Variants in CACUL1 observed in about 807,000 individuals in gnomAD.
CACUL1 encodes CDK2-associated and cullin domain-containing protein 1.
CACUL1 carries 13 observed loss-of-function variants against 45.2 expected under a neutral mutation model. That is an observed-to-expected ratio of 0.29 (90% CI 0.19 to 0.46). The LOEUF is 0.46. Ranked by LOEUF, CACUL1 falls within the 20% of genes least tolerant of loss-of-function variation. CACUL1 has a pLI of 1.00. For missense variants in CACUL1, 421 were observed against 471.4 expected (o/e 0.89, Z 0.99); for synonymous variants, 197 against 174.2 (o/e 1.13, Z -1.03).
At chr10:118,721,298 A>G (rs1481497681) in intron 3 of CACUL1, among the ~76,000 whole-genome samples, 3 of 152,240 alleles carry the variant, frequency 2.0e-5, no homozygotes, top group Admixed American at 1.3e-4. Context: ...ATCTGGCAGT[A>G]AAGATTTTAT....
At chr10:118,708,836 C>T (rs1845457765) in intron 3 of CACUL1, among the ~76,000 whole-genome samples, 1 of 152,160 alleles carries the variant, frequency 6.6e-6, no homozygotes, top group Non-Finnish European at 1.5e-5. Flanking sequence ...GAATAGGAAG[C>T]ACCTTTGTCT....
intron 3 of CACUL1, among the ~76,000 whole-genome samples, chr10:118,726,568 C>A (rs890210496): frequency 1.3e-5 from 2 of 152,048 alleles, no homozygotes; most frequent in Admixed American, 1.3e-4. Flanking sequence ...ATAGTCTGTT[C>A]GGTTTTGAGA....
chr10:118,724,449 A>G (rs1479383536), intron 3 of CACUL1, among the ~76,000 whole-genome samples: 1 of 152,122 alleles, frequency 6.6e-6, no homozygotes, highest in Non-Finnish European at 1.5e-5. Flanking sequence ...CCACTACCAG[A>G]CCCAGTAGAG....
At chr10:118,691,866 CAAAAAAAAAA>C (rs754241223) in intron 6 of CACUL1, among the ~76,000 whole-genome samples, 33,983 of 96,502 alleles carry the variant, frequency 0.35, 5,191 homozygotes, top group South Asian at 0.49. Context: ...GACTCCGTCT[CAAAAAAAAAA>C]AAAAAAAAAA....
chr10:118,750,191 T>C (rs936520086), intron 1 of CACUL1, among the ~76,000 whole-genome samples: 2 of 152,064 alleles, frequency 1.3e-5, no homozygotes, highest in African/African-American at 4.8e-5. Context: ...CCGGGCATGG[T>C]GGTGCACACC....
At chr10:118,735,587 G>C (rs542444999) in intron 1 of CACUL1, among the ~76,000 whole-genome samples, 22 of 152,332 alleles carry the variant, frequency 1.4e-4, no homozygotes, top group Non-Finnish European at 2.9e-4. Context: ...GCCCTGGACA[G>C]CCAGGGTTCA....
At chr10:118,725,171 T>C (rs1327107032) in intron 3 of CACUL1, among the ~76,000 whole-genome samples, 2 of 152,210 alleles carry the variant, frequency 1.3e-5, no homozygotes, top group Non-Finnish European at 2.9e-5. Context: ...TCGTTATTAC[T>C]TTTAAAGAAA....
chr10:118,733,440 C>G (rs1258548431), intron 1 of CACUL1, among the ~76,000 whole-genome samples: 1 of 152,142 alleles, frequency 6.6e-6, no homozygotes, highest in Non-Finnish European at 1.5e-5. Context: ...TATATGCTAG[C>G]TAACATAACT....
chr10:118,702,982 T>A (rs530294223), intron 4 of CACUL1, among the ~76,000 whole-genome samples: 34 of 152,186 alleles, frequency 2.2e-4, no homozygotes, highest in Admixed American at 1.0e-3. Context: ...ATTTAAAAAA[T>A]TTTTTTTGGA....
At position 118,754,424 on chromosome 10, in the gene CACUL1, G is replaced by C; in HGVS notation, c.339C>G (p.Ile113Met). The C allele has an allele frequency of 6.3e-7, 1 of 1,594,912 alleles. No individual in the cohort carries two copies. Among genetic ancestry groups the C allele is most frequent in the Non-Finnish European group, 8.5e-7 (1 of 1,171,814 alleles). ...ACTTGGAGGTGGAGGTGTTGATGTT[G>C]ATGGTGGAGCTGGCGGTGGGGGCGG... The part of the protein sequence containing the change: ...AAPAPTASST[I>M]NINTSTSKFL... Residue 113 changes from isoleucine to methionine, a missense_variant, in exon 1 of 9, where the codon ATC becomes ATG. Physicochemically the swap from Ile to Met is conservative, Grantham distance 10 (BLOSUM62 1). This residue lies in a region of CACUL1 where 213 missense variants were observed against 173.1 expected (regional missense o/e 1.23). Coordinates refer to ENST00000369151, the MANE Select transcript of CACUL1 (RefSeq NM_153810.5).
In CACUL1 at chr10:118,679,830, A is replaced by C. The variant is rs1364637387; in HGVS notation, c.*6298T>G. 1 of 151,388 alleles carries C rather than the reference A, an allele frequency of 6.6e-6. No individual in the cohort carries two copies. The highest frequency in any genetic ancestry group is 1.5e-5 in the Non-Finnish European group (1 of 67,860). 9.4% of individuals were successfully genotyped at this position (151,388 alleles called of 1,614,324 possible). A position where few individuals can be genotyped will look rare whatever the true frequency, so the allele number is the denominator to read the frequency against. On this transcript the variant is annotated 3_prime_UTR_variant, in exon 9 of 9. Transcript: ENST00000369151. ...CACCATGCTCGGCCCTAATTTAAAA[A>C]ATTTTTTTGTAGAGATGGGGTTCTG...
rs1394294657 is a variant in CACUL1, at chr10:118,684,342, AT to A, written c.*1785del. ...TGTGATTGGTAAGCCTGAAGCAAGCATTCCATTGAGAAAAGTAAAATGTGAA... is the reference window on the plus strand; with the variant it reads ...TGTGATTGGTAAGCCTGAAGCAAGCATCCATTGAGAAAAGTAAAATGTGAA... On this transcript the variant is annotated 3_prime_UTR_variant, in exon 9 of 9. Coordinates refer to ENST00000369151, the MANE Select transcript of CACUL1 (RefSeq NM_153810.5). The A allele has an allele frequency of 6.6e-6, 1 of 152,540 alleles. No homozygotes were observed. Among genetic ancestry groups the A allele is most frequent in the African/African-American group, 2.4e-5 (1 of 41,584 alleles). The allele number at this position is 152,540 out of a possible 1,614,324, so 9.4% of individuals were successfully genotyped here.
At chr10:118,729,632 A>C (rs1391549246) in intron 2 of CACUL1, among the ~76,000 whole-genome samples, 1 of 152,238 alleles carries the variant, frequency 6.6e-6, no homozygotes, top group Non-Finnish European at 1.5e-5. Flanking sequence ...TACACATTTA[A>C]TCAGTACTAG....
Position 118,729,311 on chromosome 10 carries a change from ACT to A in CACUL1, c.579_580del (p.Arg193SerfsTer15). ...GTTCTTTACCTGCAGCTCCTTTGAG[ACT>A]CTCTCTAAGTGATTAGTTATCTTTT... is the stretch of plus-strand genomic sequence containing the variant. On this transcript the variant is annotated frameshift_variant, in exon 3 of 9. Transcript: ENST00000369151. LOFTEE classifies it high-confidence loss of function. The A allele has an allele frequency of 6.2e-7, 1 of 1,612,584 alleles. No homozygotes were observed. Among genetic ancestry groups the A allele is most frequent in the Admixed American group, 1.7e-5 (1 of 59,930 alleles).
rs556581980 is a variant in CACUL1 at position 118,717,641 on chromosome 10, TTC to T, written c.598-10056_598-10055del. On this transcript the variant is annotated intron_variant, in intron 3 of 8. Transcript: ENST00000369151. Reference sequence around the variant, plus strand: ...AAAAAATAAAGGACACATGGACTATTTCTCTGTTGGTGATGGTAGTCATAAAA... The same window carrying T: ...AAAAAATAAAGGACACATGGACTATTTCTGTTGGTGATGGTAGTCATAAAA... Among the ~76,000 whole-genome samples the T allele has an allele frequency of 4.0e-3, 614 of 152,352 alleles. 7 individuals are homozygous for T. Among genetic ancestry groups the T allele is most frequent in the African/African-American group, 0.014 (594 of 41,576 alleles).
intron 1 of CACUL1, among the ~76,000 whole-genome samples, chr10:118,750,986 A>G (rs1845892708): frequency 1.3e-5 from 2 of 152,238 alleles, no homozygotes; most frequent in Admixed American, 1.3e-4. Context: ...AAACAATCCA[A>G]TTATACTCTT....
intron 7 of CACUL1, 80 bp from the exon 8 acceptor site, chr10:118,686,721 A>T: frequency 9.9e-7 from 1 of 1,010,212 alleles, no homozygotes; most frequent in Non-Finnish European, 1.6e-6. Flanking sequence ...TGATAATAAA[A>T]GTATAGCAGA....
At chr10:118,728,408 G>A (rs1845671190) in intron 3 of CACUL1, among the ~76,000 whole-genome samples, 1 of 151,824 alleles carries the variant, frequency 6.6e-6, no homozygotes, top group South Asian at 2.1e-4. Flanking sequence ...CCGCCTCCCG[G>A]GTTCAAGCGA....
At chr10:118,710,015 T>C (rs991128712) in intron 3 of CACUL1, among the ~76,000 whole-genome samples, 3 of 152,006 alleles carry the variant, frequency 2.0e-5, no homozygotes, top group South Asian at 2.1e-4. Flanking sequence ...AATTGATCAA[T>C]TCTCCCAACT....
Sources: gnomAD v4.1 joint callset for allele counts (sites outside exome capture counted in the v4.1 genomes callset) on GRCh38, gnomAD v4.1.1 for gene constraint, gnomAD v4.1.1 regional missense constraint, MANE v1.5 for transcripts, NCBI Gene and HGNC (gene_info 2026-07-23, HGNC 2026-07-21) for gene names.